PIGB: variants seen among roughly 807,000 people sequenced by gnomAD.
PIGB encodes the protein phosphatidylinositol glycan anchor biosynthesis class B.
In PIGB, 58 loss-of-function variants were observed where a neutral mutation model predicts 68.4. The ratio of observed to expected loss-of-function variants is 0.85; its 90% CI spans 0.69 to 1.06. PIGB has a LOEUF of 1.06. PIGB is among the 50% of genes least tolerant of loss of function. PIGB has a pLI of 0.00. For missense variants in PIGB, 634 were observed against 655.8 expected (o/e 0.97, Z 0.36); for synonymous variants, 219 against 220.5 (o/e 0.99, Z 0.06).
chr15:55,319,532 GC>G (rs1360066656), intron 1 of PIGB, 119 bp downstream of exon 1: 1 of 659,574 alleles, frequency 1.5e-6, no homozygotes, highest in African/African-American at 1.9e-5. Flanking sequence ...GTTTTGAAAT[GC>G]TGGGAAATGC....
At chr15:55,326,349 G>T (rs562859603) in intron 3 of PIGB, among the ~76,000 whole-genome samples, 1 of 152,266 alleles carries the variant, frequency 6.6e-6, no homozygotes, top group African/African-American at 2.4e-5. Flanking sequence ...GCAGACCTGG[G>T]TTTATAATGC....
chr15:55,354,114 C>G (rs1281446834), intron 10 of PIGB, among the ~76,000 whole-genome samples: 2 of 151,520 alleles, frequency 1.3e-5, no homozygotes, highest in Non-Finnish European at 2.9e-5. Flanking sequence ...GAGTTCAGGA[C>G]CAGCCTGGCC....
In PIGB at chr15:55,333,898, T is replaced by G. The variant is rs1287420766; in HGVS notation, c.685T>G (p.Phe229Val). The G allele has an allele frequency of 1.2e-5, 19 of 1,606,880 alleles. No individual in the cohort carries two copies. Among genetic ancestry groups the G allele is most frequent in the Non-Finnish European group, 1.4e-5 (16 of 1,177,026 alleles). Residue 229 changes from phenylalanine to valine, a missense_variant, in exon 6 of 12, where the codon TTC becomes GTC. By Grantham distance (50) the Phe-to-Val change is conservative. Transcript: ENST00000164305. ...ATACTCATCCCTGGTGGCACTTGCC[T>G]TCATAATTCGTCCCACAGCTGTCAT... ...VKYSSLVALA[F>V]IIRPTAVILW... is the part of the protein sequence containing the mutation.
intron 8 of PIGB, among the ~76,000 whole-genome samples, chr15:55,341,406 C>T (rs959491487): frequency 1.3e-5 from 2 of 152,136 alleles, no homozygotes; most frequent in African/African-American, 4.8e-5. Context: ...ATTGAAGGAC[C>T]ACAGAAATAC....
At chr15:55,347,305 A>G (rs1418000800) in intron 9 of PIGB, among the ~76,000 whole-genome samples, 1 of 152,204 alleles carries the variant, frequency 6.6e-6, no homozygotes. Context: ...AGGCACCTGT[A>G]ATCCCAGCTA....
At chr15:55,338,511 G>A (rs79201621) in intron 6 of PIGB, among the ~76,000 whole-genome samples, 24 of 152,046 alleles carry the variant, frequency 1.6e-4, no homozygotes, top group African/African-American at 4.8e-4. Context: ...CAGTCATGGC[G>A]GCACACACCT....
intron 9 of PIGB, chr15:55,346,453 A>T (rs1361707323): frequency 6.6e-6 from 1 of 152,218 alleles, no homozygotes; most frequent in Non-Finnish European, 1.5e-5. Flanking sequence ...AACTATTGTT[A>T]TCACTTTCTT....
intron 4 of PIGB, among the ~76,000 whole-genome samples, chr15:55,328,955 C>T (rs1318704167): frequency 6.7e-6 from 1 of 150,336 alleles, no homozygotes; most frequent in Admixed American, 6.6e-5. Context: ...GACTCCTTCT[C>T]GAAGAAAAAA....
chr15:55,328,248 C>T (rs931755778), intron 4 of PIGB, among the ~76,000 whole-genome samples: 7 of 152,198 alleles, frequency 4.6e-5, no homozygotes, highest in Admixed American at 6.5e-5. Context: ...ACATCTCCCA[C>T]TCCAATCTTG....
In PIGB at chr15:55,334,899, T is replaced by C. The variant is rs546244055; in HGVS notation, c.794+892T>C. On this transcript the variant is annotated intron_variant, in intron 6 of 11. Coordinates refer to ENST00000164305, the MANE Select transcript of PIGB (RefSeq NM_004855.5). ...CACGCCTGGCTAATTTTTTTATTTT[T>C]AGTCGAGTTGGGGTTTCACCATGTT... is the stretch of plus-strand genomic sequence containing the variant. Among the ~76,000 whole-genome samples the C allele has an allele frequency of 2.0e-5, 3 of 152,304 alleles. No homozygotes were observed. In the South Asian group the frequency reaches 6.2e-4, roughly 32 times the overall value.
At chr15:55,331,989 T>A (rs1399497643) in intron 5 of PIGB, among the ~76,000 whole-genome samples, 2 of 152,114 alleles carry the variant, frequency 1.3e-5, no homozygotes, top group Admixed American at 1.3e-4. Flanking sequence ...TTTTATTTTT[T>A]TTTTTCGAGA....
At chr15:55,337,479 G>A (rs1417410708) in intron 6 of PIGB, among the ~76,000 whole-genome samples, 1 of 152,180 alleles carries the variant, frequency 6.6e-6, no homozygotes, top group Non-Finnish European at 1.5e-5. Context: ...ACTGTGAACT[G>A]CACATGCAAG....
chr15:55,334,125 G>A (rs778048350), intron 6 of PIGB, 118 bp downstream of exon 6: 3 of 619,050 alleles, frequency 4.8e-6, no homozygotes, highest in African/African-American at 1.9e-5. Context: ...AGAACTCTTA[G>A]TCCAAGGAAA....
At chr15:55,347,282 C>T (rs571730875) in intron 9 of PIGB, among the ~76,000 whole-genome samples, 8 of 152,056 alleles carry the variant, frequency 5.3e-5, no homozygotes, top group Non-Finnish European at 8.8e-5. Context: ...AAAAATTAGC[C>T]GGGCATGGCG....
Position 55,334,010 on chromosome 15 carries a change from A to T in PIGB, c.794+3A>T. The T allele has an allele frequency of 1.9e-6, 3 of 1,577,706 alleles. No individual in the cohort carries two copies. The highest frequency in any genetic ancestry group is 2.6e-6 in the Non-Finnish European group (3 of 1,162,282). The stretch of plus-strand genomic sequence containing the variant: ...CTACATCATTTTTTACCTGTAGGGT[A>T]AGTGTGGCAATAATCCATCCATTTA... On this transcript the variant is annotated splice_donor_region_variant and intron_variant, in intron 6 of 11. Transcript: ENST00000164305.
At chr15:55,339,193 T>A (rs2055606953) in intron 6 of PIGB, 74 bp from the exon 7 acceptor site, 4 of 1,022,890 alleles carry the variant, frequency 3.9e-6, no homozygotes, top group Non-Finnish European at 5.9e-6. Flanking sequence ...GCAAGGCACG[T>A]ACAAAGCCAT....
intron 6 of PIGB, among the ~76,000 whole-genome samples, chr15:55,335,386 TATTC>T (rs1204781115): frequency 6.6e-6 from 1 of 152,234 alleles, no homozygotes; most frequent in Non-Finnish European, 1.5e-5. Flanking sequence ...GCATTAAATG[TATTC>T]ATTCATTCAG....
At chr15:55,341,234 G>A (rs1317969088) in intron 8 of PIGB, among the ~76,000 whole-genome samples, 2 of 152,132 alleles carry the variant, frequency 1.3e-5, no homozygotes, top group Non-Finnish European at 2.9e-5. Context: ...GATGGCATGT[G>A]CCTGTAGTCC....
intron 6 of PIGB, among the ~76,000 whole-genome samples, chr15:55,336,232 A>C (rs2055532772): frequency 6.6e-6 from 1 of 152,010 alleles, no homozygotes; most frequent in Non-Finnish European, 1.5e-5. Context: ...AAAATTTAAA[A>C]ATTGGCCAAG....
Sources: allele counts gnomAD v4.1 joint callset (sites outside exome capture counted in the v4.1 genomes callset), GRCh38; gene constraint gnomAD v4.1.1; transcripts MANE v1.5; gene names NCBI Gene and HGNC (gene_info 2026-07-23, HGNC 2026-07-21).